The following TRIO variants were observed in gnomAD, a reference collection of about 807,000 sequenced individuals.
The protein encoded by TRIO is triple functional domain protein.
Under a neutral mutation model 351.9 loss-of-function variants are expected in TRIO, and 58 were observed. The observed-to-expected ratio is 0.16, with a 90% CI of 0.13 to 0.21. TRIO has a LOEUF of 0.21. Among genes scored for constraint, TRIO ranks in the 10% least tolerant of loss-of-function variants. TRIO has a pLI of 1.00. For synonymous variants in TRIO, 1,758 were observed against 1,595.7 expected (o/e 1.10, Z -2.42); for missense variants, 3,201 against 4,027.8 (o/e 0.79, Z 5.56).
chr5:14,238,266 G>A (rs1453744352), intron 1 of TRIO, among the ~76,000 whole-genome samples: 2 of 152,236 alleles, frequency 1.3e-5, no homozygotes, highest in Admixed American at 1.3e-4. Context: ...ACTTCCTGCA[G>A]CTAAGTGAAG....
intron 11 of TRIO, among the ~76,000 whole-genome samples, chr5:14,337,600 G>T (rs1404619263): frequency 6.6e-6 from 1 of 152,184 alleles, no homozygotes; most frequent in Non-Finnish European, 1.5e-5. Flanking sequence ...GGATCTGGAA[G>T]AGTAGGACTA....
chr5:14,300,090 A>G (rs1737748600), intron 7 of TRIO, among the ~76,000 whole-genome samples: 1 of 152,256 alleles, frequency 6.6e-6, no homozygotes, highest in African/African-American at 2.4e-5. Flanking sequence ...AAATATGTGG[A>G]CACACAACCA....
intron 11 of TRIO, among the ~76,000 whole-genome samples, chr5:14,348,268 C>G (rs945807179): frequency 1.3e-5 from 2 of 152,082 alleles, no homozygotes. Flanking sequence ...AAGAACATGC[C>G]CTGGAAGCTA....
At chr5:14,434,789 A>G (rs985358132) in intron 34 of TRIO, among the ~76,000 whole-genome samples, 8 of 152,238 alleles carry the variant, frequency 5.3e-5, no homozygotes, top group Non-Finnish European at 1.0e-4. Flanking sequence ...CAAAAGGCAC[A>G]ATTACTTTTG....
intron 1 of TRIO, among the ~76,000 whole-genome samples, chr5:14,155,883 G>T (rs1232757664): frequency 6.6e-6 from 1 of 152,184 alleles, no homozygotes; most frequent in African/African-American, 2.4e-5. Context: ...TCATTTGCTA[G>T]TTGTAGCATC....
chr5:14,360,556 G>T lies in TRIO; in HGVS notation c.2391+1025G>T, dbSNP rs575510056. On this transcript the variant is annotated intron_variant, in intron 13 of 56. Transcript: ENST00000344204. ...TCTCAATATTTATTTCTTGTCTCTG[G>T]TTTAGAATTCATCAGCAGTCCTTGG... Among the ~76,000 whole-genome samples the T allele has an allele frequency of 2.0e-5, 3 of 152,330 alleles. No individual in the cohort carries two copies. In the South Asian group the frequency reaches 6.2e-4, roughly 32 times the overall value.
intron 1 of TRIO, among the ~76,000 whole-genome samples, chr5:14,176,267 C>T (rs1419628179): frequency 1.3e-5 from 2 of 152,168 alleles, no homozygotes; most frequent in African/African-American, 4.8e-5. Context: ...GTCAGGAGAT[C>T]GAGATCATCC....
At chr5:14,463,030 A>G (rs1753950961) in intron 36 of TRIO, 105 bp downstream of exon 36, 2 of 1,383,118 alleles carry the variant, frequency 1.4e-6, no homozygotes, top group South Asian at 1.6e-5. Flanking sequence ...GGAGGCCCCA[A>G]GATGTGGAAA....
intron 1 of TRIO, among the ~76,000 whole-genome samples, chr5:14,145,501 C>A (rs201336426): frequency 1.4e-5 from 2 of 142,598 alleles, no homozygotes; most frequent in South Asian, 2.2e-4. Flanking sequence ...TACCCCCCCC[C>A]ACCTTTTTTT....
At position 14,388,687 on chromosome 5, in the gene TRIO, AG is replaced by A. The variant is rs1746771207; in HGVS notation, c.3948+9del. On this transcript the variant is annotated intron_variant, in intron 24 of 56. Transcript: ENST00000344204. ...CTCCGGGAATGTATGGATGTAAGTA[AG>A]TTTTTTTTTTTTTTTTTTGCTTGTT... The A allele has an allele frequency of 1.4e-6, 2 of 1,463,250 alleles. No individual in the cohort carries two copies. Among genetic ancestry groups the A allele is most frequent in the South Asian group, 1.2e-5 (1 of 82,390 alleles). The allele number at this position is 1,463,250 out of a possible 1,614,324, so 90.6% of individuals were successfully genotyped here.
chr5:14,287,168 G>T, intron 4 of TRIO, 105 bp downstream of exon 4: 1 of 1,084,708 alleles, frequency 9.2e-7, no homozygotes. Flanking sequence ...TATTAAACAG[G>T]AGCTGCATAT....
At chr5:14,298,244 T>C (rs1220313661) in intron 7 of TRIO, among the ~76,000 whole-genome samples, 1 of 152,190 alleles carries the variant, frequency 6.6e-6, no homozygotes, top group Non-Finnish European at 1.5e-5. Context: ...CATACCTCCA[T>C]TTAAGCAAAC....
intron 11 of TRIO, among the ~76,000 whole-genome samples, chr5:14,337,739 AG>A (rs1741556488): frequency 6.6e-6 from 1 of 152,220 alleles, no homozygotes; most frequent in Non-Finnish European, 1.5e-5. Context: ...GTTAGTCCTC[AG>A]TCGGGTCATT....
At chr5:14,278,171 C>A (rs1581511250) in intron 2 of TRIO, among the ~76,000 whole-genome samples, 2 of 152,304 alleles carry the variant, frequency 1.3e-5, no homozygotes, top group African/African-American at 4.8e-5. Flanking sequence ...TGGGAGAAAT[C>A]TTTGTAGTTG....
chr5:14,220,549 C>T (rs947758032), intron 1 of TRIO, among the ~76,000 whole-genome samples: 5 of 152,198 alleles, frequency 3.3e-5, no homozygotes, highest in African/African-American at 9.6e-5. Context: ...AGCTAGGCCT[C>T]TTGTGCCAAA....
chr5:14,252,688 G>A (rs1794812934), intron 1 of TRIO, among the ~76,000 whole-genome samples: 1 of 152,238 alleles, frequency 6.6e-6, no homozygotes, highest in Admixed American at 6.5e-5. Context: ...GGGGTTACTT[G>A]TATATAAACC....
chr5:14,198,004 G>A (rs977914483), intron 1 of TRIO, among the ~76,000 whole-genome samples: 2 of 152,132 alleles, frequency 1.3e-5, no homozygotes, highest in Admixed American at 6.5e-5. Context: ...TCCTTGTAAT[G>A]ATAGTCCAGA....
At chr5:14,373,493 C>T (rs1015031299) in intron 18 of TRIO, among the ~76,000 whole-genome samples, 2 of 152,168 alleles carry the variant, frequency 1.3e-5, no homozygotes. Flanking sequence ...CAAGATGTTT[C>T]CAATTCACAT....
intron 30 of TRIO, among the ~76,000 whole-genome samples, chr5:14,399,728 T>G (rs933602004): frequency 9.9e-5 from 15 of 152,188 alleles, no homozygotes; most frequent in African/African-American, 3.4e-4. Context: ...CTGGCTAGCC[T>G]TACCAGCCTC....
Sources: allele counts gnomAD v4.1 joint callset (sites outside exome capture counted in the v4.1 genomes callset), GRCh38; gene constraint gnomAD v4.1.1; transcripts MANE v1.5; gene names NCBI Gene and HGNC (gene_info 2026-07-23, HGNC 2026-07-21).